The following ZNF71 variants were observed in gnomAD, a reference collection of about 807,000 sequenced individuals.
The protein encoded by ZNF71 is endothelial zinc finger protein induced by tumor necrosis factor alpha.
Under a neutral mutation model 6.7 loss-of-function variants are expected in ZNF71, and 3 were observed. The observed-to-expected ratio is 0.45, with a 90% confidence interval of 0.20 to 1.16. The LOEUF (loss-of-function observed/expected upper bound fraction) is 1.16, where lower values mean the gene tolerates loss of function less well. ZNF71 is among the 50% of genes most tolerant of loss of function. The probability of loss-of-function intolerance (pLI) is 0.25; values close to 1 mark genes in which losing one functional copy is unlikely to be tolerated. For synonymous variants in ZNF71, 343 were observed against 311.1 expected (o/e 1.10, Z -1.08); for missense variants, 688 against 728.6 (o/e 0.94, Z 0.64).
chr19:56,621,462 T>C lies in ZNF71; in HGVS notation c.355T>C (p.Leu119=), dbSNP rs747085761. Residue 119 remains leucine, a synonymous_variant, in exon 4 of 4, where the codon TTG becomes CTG. Transcript: ENST00000599599. The part of the protein sequence containing the change: ...RGDAGAEWEP[L]GIPQGNKLLG... ...AGATGCAGGTGCAGAGTGGGAGCCA[T>C]TGGGAATTCCCCAGGGGAACAAACT... The C allele has an allele frequency of 1.1e-5, 18 of 1,613,796 alleles. No homozygotes were observed. Among genetic ancestry groups the C allele is most frequent in the Non-Finnish European group, 5.9e-6 (7 of 1,179,940 alleles).
intron 2 of ZNF71, among the ~76,000 whole-genome samples, chr19:56,607,015 G>A (rs77356010): frequency 6.6e-6 from 1 of 152,136 alleles, no homozygotes; most frequent in Non-Finnish European, 1.5e-5. Flanking sequence ...GAAAGAGACA[G>A]TGAAAATGGG....
intron 2 of ZNF71, among the ~76,000 whole-genome samples, chr19:56,611,047 G>C (rs1244683376): frequency 6.6e-6 from 1 of 151,656 alleles, no homozygotes; most frequent in Non-Finnish European, 1.5e-5. Flanking sequence ...TTCTAAATTA[G>C]ATTCTGTCCC....
In ZNF71 at chr19:56,622,494, G is replaced by A. The variant is rs199703109; in HGVS notation, c.1387G>A (p.Val463Met). The change falls in exon 4 of 4, where the codon GTG becomes ATG. Residue 463 changes from valine to methionine, a missense_variant. Val to Met is a conservative substitution (Grantham distance 21). Transcript: ENST00000599599. Reference sequence around the variant, plus strand: ...CTCGTCCCTCATCGTGCACCAGATCGTGCACACCGGGGAGAAGCCCTACGT... The same window carrying A: ...CTCGTCCCTCATCGTGCACCAGATCATGCACACCGGGGAGAAGCCCTACGT... ...GRSSLIVHQI[V>M]HTGEKPYVCG... is the part of the protein sequence containing the mutation. The A allele has an allele frequency of 3.4e-5, 49 of 1,432,898 alleles. No individual in the cohort carries two copies. In the African/African-American group the frequency reaches 7.0e-4, roughly 20 times the overall value. The allele number at this position is 1,432,898 out of a possible 1,614,324, so 88.8% of individuals were successfully genotyped here. A position where few individuals can be genotyped will look rare whatever the true frequency, so the allele number is the denominator to read the frequency against.
At chr19:56,595,728 T>G (rs955003242) in intron 1 of ZNF71, among the ~76,000 whole-genome samples, 2 of 152,066 alleles carry the variant, frequency 1.3e-5, no homozygotes, top group Non-Finnish European at 2.9e-5. Flanking sequence ...TGAGGCTGTG[T>G]CTTTGTGGAT....
chr19:56,621,891 A>G lies in ZNF71; in HGVS notation c.784A>G (p.Thr262Ala), dbSNP rs1210431651. Residue 262 changes from threonine to alanine, a missense_variant, in exon 4 of 4, where the codon ACT becomes GCT. Thr to Ala is a moderately conservative substitution (Grantham distance 58). Coordinates refer to ENST00000599599, the MANE Select transcript of ZNF71 (RefSeq NM_001370215.1). ...GKAFSQRMNL[T>A]VHQRTHTGEK... ...GGCCTTCAGCCAGCGCATGAACCTC[A>G]CTGTGCACCAGCGCACGCACACGGG... The G allele has an allele frequency of 1.2e-6, 2 of 1,611,858 alleles. No individual in the cohort carries two copies. Among genetic ancestry groups the G allele is most frequent in the Non-Finnish European group, 1.7e-6 (2 of 1,178,180 alleles).
chr19:56,600,185 ATTTTTTT>A (rs1169322389), intron 1 of ZNF71, among the ~76,000 whole-genome samples: 1 of 24,928 alleles, frequency 4.0e-5, no homozygotes, highest in Admixed American at 6.2e-4. Context: ...AACCCTCTGT[ATTTTTTT>A]TTTTTTTTTT....
At position 56,622,812 on chromosome 19, in the gene ZNF71, G is replaced by T. The variant is rs1255399945; in HGVS notation, c.*55G>T. ...TGCCCAGGACGGACGCCAGATGGCT[G>T]CGCGCTTTGTCAGCAGTGCTGTGAG... On this transcript the variant is annotated 3_prime_UTR_variant, in exon 4 of 4. Transcript: ENST00000599599. 7.1e-6 allele frequency: 11 copies of T among 1,540,768 alleles called. No individual in the cohort carries two copies. Among genetic ancestry groups the T allele is most frequent in the Non-Finnish European group, 9.6e-6 (11 of 1,142,026 alleles).
chr19:56,605,615 A>C (rs1990576), intron 2 of ZNF71, among the ~76,000 whole-genome samples: 1 of 152,088 alleles, frequency 6.6e-6, no homozygotes, highest in Non-Finnish European at 1.5e-5. Flanking sequence ...ATCTGTGGCC[A>C]TGGCTCAAGA....
In ZNF71 at chr19:56,598,706, T is replaced by G. The variant is rs1235672140; in HGVS notation, c.-52-2801T>G. On this transcript the variant is annotated intron_variant, in intron 1 of 3. Transcript: ENST00000599599. This position sits in a 1 kb window ranked among gnomAD's most constrained non-coding sequence, Gnocchi z 4.2. ...CCCATAGCACTCCCCTGCCAAATTA[T>G]GACAGTTTGGCAAATGTCTCTAGAC... is the stretch of plus-strand genomic sequence containing the variant. Among the ~76,000 whole-genome samples the G allele has an allele frequency of 2.0e-5, 3 of 152,226 alleles. No individual in the cohort carries two copies. Among genetic ancestry groups the G allele is most frequent in the Non-Finnish European group, 4.4e-5 (3 of 68,034 alleles).
chr19:56,612,915 A>T (rs2148013643), intron 2 of ZNF71, among the ~76,000 whole-genome samples: 1 of 152,284 alleles, frequency 6.6e-6, no homozygotes. Context: ...AAATAAGGTC[A>T]TGTTCTTGAG....
rs946950013 is a variant in ZNF71 at position 56,613,867 on chromosome 19, A to C, written c.89A>C (p.Gln30Pro). 3.1e-5 allele frequency: 35 copies of C among 1,118,706 alleles called. No individual in the cohort carries two copies. The highest frequency in any genetic ancestry group is 3.8e-5 in the Non-Finnish European group (34 of 897,504). 69.3% of individuals were successfully genotyped at this position (1,118,706 alleles called of 1,614,324 possible). ...GACTTCACCCAGGAGGAGTGGCAGCAGCTGGAGCCTGCCCAGAAGGACCTG... is the reference window on the plus strand; with the variant it reads ...GACTTCACCCAGGAGGAGTGGCAGCCGCTGGAGCCTGCCCAGAAGGACCTG... ...TVDFTQEEWQ[Q>P]LEPAQKDLYR... The change falls in exon 3 of 4, where the codon CAG (glutamine) becomes CCG (proline). Residue 30 changes from glutamine to proline, a missense_variant. Gln to Pro is a moderately conservative substitution (Grantham distance 76, BLOSUM62 -1). Transcript: ENST00000599599. The surrounding 1 kb of genome is among the most constrained non-coding windows in gnomAD (Gnocchi z 4.6).
In ZNF71 at chr19:56,622,944, G is replaced by T. The variant is rs1205749475; in HGVS notation, c.*187G>T. On this transcript the variant is annotated 3_prime_UTR_variant, in exon 4 of 4. Transcript: ENST00000599599. ...CCCCCTCCTTACTGAGCCTCAGAAA[G>T]CAAGCCCCTCGGTGTCTGACGTATC... 18 of 764,438 alleles carry T rather than the reference G, an allele frequency of 2.4e-5. No homozygotes were observed. The Admixed American group carries it at 5.1e-4, about 22-fold the overall frequency. 47.4% of individuals were successfully genotyped at this position (764,438 alleles called of 1,614,324 possible). A position where few individuals can be genotyped will look rare whatever the true frequency, so the allele number is the denominator to read the frequency against.
In ZNF71 at chr19:56,598,181, T is replaced by A. The variant is rs960835680; in HGVS notation, c.-53+2753T>A. ...AGGGGGAGAGAGTTGCTGCTTGAGGTCAGGTGATTGGGGGTAGAGGACTTC... is the reference window on the plus strand; with the variant it reads ...AGGGGGAGAGAGTTGCTGCTTGAGGACAGGTGATTGGGGGTAGAGGACTTC... On this transcript the variant is annotated intron_variant, in intron 1 of 3. Coordinates refer to ENST00000599599, the MANE Select transcript of ZNF71 (RefSeq NM_001370215.1). This position sits in a 1 kb window ranked among gnomAD's most constrained non-coding sequence, Gnocchi z 4.2. 6.6e-6 allele frequency among the ~76,000 whole-genome samples: 1 copy of A among 151,862 alleles called. No individual in the cohort carries two copies. Among genetic ancestry groups the A allele is most frequent in the Non-Finnish European group, 1.5e-5 (1 of 67,966 alleles).
At chr19:56,604,235 G>T (rs1175888447) in intron 2 of ZNF71, among the ~76,000 whole-genome samples, 2 of 152,174 alleles carry the variant, frequency 1.3e-5, no homozygotes, top group Non-Finnish European at 2.9e-5. Flanking sequence ...GGTTCCACGG[G>T]TGTATATGCA....
chr19:56,615,703 T>C, intron 3 of ZNF71, among the ~76,000 whole-genome samples: 1 of 152,208 alleles, frequency 6.6e-6, no homozygotes, highest in Non-Finnish European at 1.5e-5. Flanking sequence ...TCTTTAGATA[T>C]ATGCCGTGCA....
In ZNF71 at chr19:56,606,233, A is replaced by T. The variant is rs1054605565; in HGVS notation, c.33+4642A>T. Among the ~76,000 whole-genome samples the T allele has an allele frequency of 3.3e-5, 5 of 152,314 alleles. No homozygotes were observed. In the East Asian group the frequency reaches 9.6e-4, roughly 29 times the overall value. On this transcript the variant is annotated intron_variant, in intron 2 of 3. Coordinates refer to ENST00000599599, the MANE Select transcript of ZNF71 (RefSeq NM_001370215.1). ...CAGTTGTATGCCCAGTGCCTGGTGC[A>T]TGGCAGGCACTTAATAAATATTCGT... is the stretch of plus-strand genomic sequence containing the variant.
chr19:56,601,795 A>G (rs567074458), intron 2 of ZNF71, among the ~76,000 whole-genome samples: 4 of 152,136 alleles, frequency 2.6e-5, no homozygotes, highest in East Asian at 1.9e-4. Flanking sequence ...GGAATGGCCA[A>G]ACTAGCTCTC....
Position 56,622,814 on chromosome 19 carries a change from G to C in ZNF71, c.*57G>C, listed in dbSNP as rs1198476424. 7.1e-6 allele frequency: 11 copies of C among 1,539,786 alleles called. No homozygotes were observed. Among genetic ancestry groups the C allele is most frequent in the Non-Finnish European group, 9.6e-6 (11 of 1,141,508 alleles). ...CCCAGGACGGACGCCAGATGGCTGC[G>C]CGCTTTGTCAGCAGTGCTGTGAGAA... On this transcript the variant is annotated 3_prime_UTR_variant, in exon 4 of 4. Transcript: ENST00000599599.
At position 56,622,709 on chromosome 19, in the gene ZNF71, C is replaced by A. The variant is rs548368256; in HGVS notation, c.1602C>A (p.Thr534=). ...ACCGATGCGGCGAGTGCGGGAAGAC[C>A]TTCAGCCGCAACACGAACCTGACGC... The part of the protein sequence containing the change: ...KPYRCGECGK[T]FSRNTNLTRH... The change falls in exon 4 of 4, where the codon ACC becomes ACA. Residue 534 remains threonine (T), a synonymous_variant. Transcript: ENST00000599599. 8.7e-6 allele frequency: 14 copies of A among 1,612,760 alleles called. No individual in the cohort carries two copies. In the African/African-American group the frequency reaches 9.3e-5, roughly 11 times the overall value.
Sources: allele counts gnomAD v4.1 joint callset (sites outside exome capture counted in the v4.1 genomes callset), GRCh38; gene constraint gnomAD v4.1.1; non-coding constraint Gnocchi (gnomAD v3.1); transcripts MANE v1.5; gene names NCBI Gene and HGNC (gene_info 2026-07-23, HGNC 2026-07-21).